Variants in BCR observed in about 807,000 individuals in gnomAD.
The protein encoded by BCR is breakpoint cluster region protein.
BCR carries 58 observed loss-of-function variants against 138.6 expected under a neutral mutation model. That is an observed-to-expected ratio of 0.42 (90% confidence interval 0.34 to 0.52). BCR has a LOEUF of 0.52. Ranked by LOEUF, BCR falls within the 20% of genes least tolerant of loss-of-function variation. BCR has a pLI of 0.06. For synonymous variants in BCR, 786 were observed against 730.1 expected (o/e 1.08, Z -1.23); for missense variants, 1,599 against 1,727.2 (o/e 0.93, Z 1.32).
chr22:23,191,957 G>T (rs1189912821), intron 1 of BCR, among the ~76,000 whole-genome samples: 1 of 152,172 alleles, frequency 6.6e-6, no homozygotes, highest in East Asian at 1.9e-4. Flanking sequence ...CGAATCCTCA[G>T]ACTGGGGCCT....
At chr22:23,300,587 A>G (rs2073892419) in intron 16 of BCR, among the ~76,000 whole-genome samples, 1 of 152,130 alleles carries the variant, frequency 6.6e-6, no homozygotes, top group Non-Finnish European at 1.5e-5. Context: ...CGGGGGGAAC[A>G]GCTGCTGCAG....
chr22:23,204,024 G>C (rs1471587819), intron 1 of BCR, among the ~76,000 whole-genome samples: 1 of 152,194 alleles, frequency 6.6e-6, no homozygotes, highest in Non-Finnish European at 1.5e-5. Flanking sequence ...GTCTTGGCTG[G>C]AAGGAGGGCA....
Position 23,261,036 on chromosome 22 carries a change from C to T in BCR, c.1548C>T (p.His516=). The change falls in exon 3 of 23, where the codon CAC becomes CAT. Residue 516 remains histidine, a synonymous_variant. Coordinates refer to ENST00000305877, the MANE Select transcript of BCR (RefSeq NM_004327.4). ...ILASEETYLS[H]LEALLLPMKP... The stretch of plus-strand genomic sequence containing the variant: ...CTAGCGAGGAGACTTACCTGAGCCA[C>T]CTGGAGGCACTGCTGCTGGTGAGGA... The T allele has an allele frequency of 6.2e-7, 1 of 1,613,738 alleles. No individual in the cohort carries two copies. Among genetic ancestry groups the T allele is most frequent in the Non-Finnish European group, 8.5e-7 (1 of 1,179,976 alleles).
chr22:23,289,480 A>G, intron 12 of BCR, 37 bp from the exon 13 acceptor site: 3 of 1,561,840 alleles, frequency 1.9e-6, no homozygotes, highest in Non-Finnish European at 2.6e-6. Flanking sequence ...CAAGGAGCAG[A>G]TTGACCAATT....
intron 1 of BCR, among the ~76,000 whole-genome samples, chr22:23,216,286 A>C (rs2072750951): frequency 6.6e-6 from 1 of 152,204 alleles, no homozygotes; most frequent in South Asian, 2.1e-4. Flanking sequence ...TACATTGTTC[A>C]AGAGGCATCA....
chr22:23,284,671 G>C (rs1035901270), intron 9 of BCR, among the ~76,000 whole-genome samples: 1 of 152,224 alleles, frequency 6.6e-6, no homozygotes, highest in East Asian at 1.9e-4. Flanking sequence ...GATGACGCCA[G>C]CTAGATCTGT....
At chr22:23,284,925 G>A (rs1270430985) in intron 9 of BCR, 108 bp from the exon 10 acceptor site, 1 of 1,293,848 alleles carries the variant, frequency 7.7e-7, no homozygotes, top group Admixed American at 2.1e-5. Flanking sequence ...TTTAGGTCAG[G>A]TAAACCATGT....
intron 19 of BCR, among the ~76,000 whole-genome samples, chr22:23,312,125 G>C (rs2074014509): frequency 6.6e-6 from 1 of 152,222 alleles, no homozygotes. Flanking sequence ...GGAAGCCCAG[G>C]ACTCAGTGCA....
intron 1 of BCR, among the ~76,000 whole-genome samples, chr22:23,209,668 C>G (rs903884799): frequency 2.0e-5 from 3 of 152,092 alleles, no homozygotes; most frequent in Non-Finnish European, 2.9e-5. Context: ...CTCAGCCTCC[C>G]AAGTAGCTGG....
chr22:23,239,835 A>C (rs1253888954), intron 1 of BCR, among the ~76,000 whole-genome samples: 4 of 151,132 alleles, frequency 2.6e-5, no homozygotes, highest in African/African-American at 7.3e-5. Flanking sequence ...TTTTTAAGAG[A>C]CAGCGTCTCC....
In BCR at chr22:23,253,906, T is replaced by C; in HGVS notation, c.1387T>C (p.Ser463Pro). 6.2e-7 allele frequency: 1 copy of C among 1,613,064 alleles called. No homozygotes were observed. The highest frequency in any genetic ancestry group is 1.3e-5 in the African/African-American group (1 of 74,956). The change falls in exon 2 of 23, where the codon TCG becomes CCG. Residue 463 changes from serine (S) to proline (P), a missense_variant. Around this residue, in one of 4 missense-constraint regions of BCR, gnomAD observed 590 missense variants for 762.4 expected, o/e 0.77. Transcript: ENST00000305877. ...CTACATTGATGACTCGCCCTCCTCATCGCCCCACCTCAGCAGCAAGGGCAG... is the reference window on the plus strand; with the variant it reads ...CTACATTGATGACTCGCCCTCCTCACCGCCCCACCTCAGCAGCAAGGGCAG... ...LPYIDDSPSS[S>P]PHLSSKGRGS...
At chr22:23,270,840 A>G (rs2073501797) in intron 5 of BCR, among the ~76,000 whole-genome samples, 1 of 152,256 alleles carries the variant, frequency 6.6e-6, no homozygotes, top group African/African-American at 2.4e-5. Flanking sequence ...AATTGTATCA[A>G]AACAGCCTAG....
At chr22:23,192,214 C>T (rs1050433561) in intron 1 of BCR, among the ~76,000 whole-genome samples, 1 of 152,028 alleles carries the variant, frequency 6.6e-6, no homozygotes, top group African/African-American at 2.4e-5. Context: ...TATACTCCCT[C>T]CACTGATTGA....
intron 1 of BCR, among the ~76,000 whole-genome samples, chr22:23,185,655 G>GAC (rs1296054489): frequency 6.6e-6 from 1 of 150,660 alleles, no homozygotes; most frequent in Admixed American, 6.6e-5. Flanking sequence ...GACAGAGCGA[G>GAC]ACACAGTCTC....
intron 1 of BCR, among the ~76,000 whole-genome samples, chr22:23,214,107 T>A (rs2072720664): frequency 6.6e-6 from 1 of 152,080 alleles, no homozygotes; most frequent in Non-Finnish European, 1.5e-5. Context: ...CTTAATAACA[T>A]TTGTTATTCT....
chr22:23,263,008 C>T (rs1413989265), intron 4 of BCR: 2 of 818,860 alleles, frequency 2.4e-6, no homozygotes, highest in Non-Finnish European at 1.7e-6. Flanking sequence ...GGGAAAGAGG[C>T]ACAAGGAAGA....
intron 1 of BCR, among the ~76,000 whole-genome samples, chr22:23,253,453 A>G (rs111562173): frequency 0.019 from 2,960 of 152,304 alleles, 92 homozygotes; most frequent in African/African-American, 0.068. Flanking sequence ...ACATAAAGAC[A>G]TGTATTACTT....
At chr22:23,293,711 A>G (rs1210625777) in intron 15 of BCR, among the ~76,000 whole-genome samples, 1 of 152,146 alleles carries the variant, frequency 6.6e-6, no homozygotes, top group Non-Finnish European at 1.5e-5. Context: ...GCATGAAGAC[A>G]TGAGGGTTAG....
chr22:23,217,958 G>A (rs1389688965), intron 1 of BCR, among the ~76,000 whole-genome samples: 3 of 152,146 alleles, frequency 2.0e-5, no homozygotes, highest in Non-Finnish European at 4.4e-5. Context: ...CATTGCCTTG[G>A]GGAGGAGAGT....
Sources: allele counts gnomAD v4.1 joint callset (sites outside exome capture counted in the v4.1 genomes callset), GRCh38; gene constraint gnomAD v4.1.1; regional missense constraint gnomAD v4.1.1; transcripts MANE v1.5; gene names NCBI Gene and HGNC (gene_info 2026-07-23, HGNC 2026-07-21).